USP37: variants seen among roughly 807,000 people sequenced by gnomAD.
USP37 encodes ubiquitin carboxyl-terminal hydrolase 37.
A neutral mutation model predicts 124.0 loss-of-function variants in USP37; 27 were observed. The ratio of observed to expected loss-of-function variants is 0.22; its 90% CI spans 0.16 to 0.30. The LOEUF is 0.30. Among genes scored for constraint, USP37 ranks in the 10% least tolerant of loss-of-function variants. USP37 has a pLI of 1.00. For missense variants in USP37, 889 were observed against 1,140.4 expected, an observed-to-expected ratio of 0.78 and a Z score of 3.17; for synonymous variants, 365 against 388.0, an observed-to-expected ratio of 0.94 and a Z score of 0.70.
Position 218,547,023 on chromosome 2 carries a change from C to T in USP37, c.498G>A (p.Pro166=), listed in dbSNP as rs1324580637. 1.1e-5 allele frequency: 17 copies of T among 1,612,480 alleles called. 1 individual carries two copies. In the Admixed American group the frequency reaches 1.5e-4, roughly 14 times the overall value. ...DIPFRKVLGN[P]GRGSIKTVAG... ...CTACAGTCTTAATCGATCCTCTACC[C>T]GGATTACCAAGAACTTTTCGAAATG... The change falls in exon 7 of 26, where the codon CCG becomes CCA. Residue 166 remains proline, a synonymous_variant. Coordinates refer to ENST00000258399, the MANE Select transcript of USP37 (RefSeq NM_020935.3).
chr2:218,456,441 AGAGT>A (rs1173113386), intron 24 of USP37, among the ~76,000 whole-genome samples: 1 of 151,554 alleles, frequency 6.6e-6, no homozygotes, highest in Non-Finnish European at 1.5e-5. Flanking sequence ...GCCTGGTGAC[AGAGT>A]GAGACCCTGT....
At position 218,502,948 on chromosome 2, in the gene USP37, G is replaced by A. The variant is rs560229727; in HGVS notation, c.1026-4791C>T. On this transcript the variant is annotated intron_variant, in intron 11 of 25. Transcript: ENST00000258399. Reference sequence around the variant, plus strand: ...TTAAGACTAAAACAAGATTAAGACCGTAGGCTTCTAGTCAGAAATTATACA... The same window carrying A: ...TTAAGACTAAAACAAGATTAAGACCATAGGCTTCTAGTCAGAAATTATACA... Among the ~76,000 whole-genome samples the A allele has an allele frequency of 1.6e-4, 24 of 152,268 alleles. No homozygotes were observed. The South Asian group carries it at 1.9e-3, about 12-fold the overall frequency.
At chr2:218,504,900 T>C (rs1390013960) in intron 11 of USP37, among the ~76,000 whole-genome samples, 1 of 152,178 alleles carries the variant, frequency 6.6e-6, no homozygotes, top group Non-Finnish European at 1.5e-5. Flanking sequence ...TCATTTTAAA[T>C]GGTATCCTTT....
At chr2:218,481,188 C>A (rs1459790044) in intron 17 of USP37, among the ~76,000 whole-genome samples, 2 of 152,168 alleles carry the variant, frequency 1.3e-5, no homozygotes, top group Non-Finnish European at 2.9e-5. Flanking sequence ...GTTTTCCCAG[C>A]ATACATGATG....
chr2:218,464,436 C>T (rs1019097924), intron 21 of USP37, among the ~76,000 whole-genome samples: 2 of 152,040 alleles, frequency 1.3e-5, no homozygotes, highest in African/African-American at 2.4e-5. Context: ...CAGAGTGTCA[C>T]CATTTTGGCC....
intron 11 of USP37, chr2:218,500,798 T>G (rs1689334738): frequency 6.6e-6 from 1 of 152,630 alleles, no homozygotes; most frequent in Admixed American, 6.6e-5. Flanking sequence ...TTTTTTTTTT[T>G]TTGAGAGCTT....
intron 13 of USP37, among the ~76,000 whole-genome samples, chr2:218,496,378 ACC>A (rs753854491): frequency 1.3e-5 from 2 of 152,100 alleles, no homozygotes; most frequent in African/African-American, 4.8e-5. Flanking sequence ...TACAGTGAAA[ACC>A]CTTGAAAGTC....
chr2:218,459,729 T>C (rs1414637423), intron 23 of USP37, 61 bp downstream of exon 23: 16 of 1,449,926 alleles, frequency 1.1e-5, no homozygotes, highest in Non-Finnish European at 1.2e-5. Flanking sequence ...GCCTTTGAAG[T>C]AAAGAGTGGG....
At chr2:218,523,353 A>G (rs894167122) in intron 10 of USP37, among the ~76,000 whole-genome samples, 12 of 152,338 alleles carry the variant, frequency 7.9e-5, no homozygotes, top group Middle Eastern at 6.8e-3. Flanking sequence ...AAACACTCCA[A>G]TGAACATTTC....
Position 218,501,781 on chromosome 2 carries a change from C to T in USP37, c.1026-3624G>A, listed in dbSNP as rs1689404070. Among the ~76,000 whole-genome samples, 3 of 152,266 alleles carry T rather than the reference C, an allele frequency of 2.0e-5. No homozygotes were observed. In the South Asian group the frequency reaches 6.2e-4, roughly 32 times the overall value. On this transcript the variant is annotated intron_variant, in intron 11 of 25. Transcript: ENST00000258399. ...AAGGAACTGAACAAAGGAAAAGCTC[C>T]AGAAATCTGCATAGCAGTCTGCTTG...
intron 14 of USP37, among the ~76,000 whole-genome samples, chr2:218,488,641 T>A (rs1470241990): frequency 6.6e-6 from 1 of 152,190 alleles, no homozygotes; most frequent in Non-Finnish European, 1.5e-5. Context: ...TTTACTTAAA[T>A]CTTTTTTTTG....
chr2:218,490,936 C>T (rs929466045), intron 14 of USP37, among the ~76,000 whole-genome samples: 5 of 152,144 alleles, frequency 3.3e-5, no homozygotes, highest in African/African-American at 4.8e-5. Context: ...AGCAGTGGCC[C>T]GACCACGGCT....
At chr2:218,532,514 G>GCC (rs1691391463) in intron 9 of USP37, among the ~76,000 whole-genome samples, 1 of 150,136 alleles carries the variant, frequency 6.7e-6, no homozygotes, top group South Asian at 2.1e-4. Context: ...AGCTGCCTTA[G>GCC]CCTTCAGCAA....
intron 20 of USP37, among the ~76,000 whole-genome samples, chr2:218,473,761 C>CA (rs1441205145): frequency 6.6e-6 from 1 of 151,916 alleles, no homozygotes; most frequent in African/African-American, 2.4e-5. Context: ...TAAAAATTAC[C>CA]AAAAAAATAG....
chr2:218,536,935 A>T (rs1323488815), intron 8 of USP37, among the ~76,000 whole-genome samples: 1 of 152,224 alleles, frequency 6.6e-6, no homozygotes, highest in Non-Finnish European at 1.5e-5. Flanking sequence ...AATAAGGTAG[A>T]GAAGGATAGG....
At chr2:218,475,925 C>CAAA (rs5838701) in intron 19 of USP37, among the ~76,000 whole-genome samples, 1 of 142,436 alleles carries the variant, frequency 7.0e-6, no homozygotes, top group Non-Finnish European at 1.5e-5. Flanking sequence ...GACTCCGTCT[C>CAAA]AAAAAAAAAA....
At chr2:218,458,273 A>C (rs1264815315) in intron 23 of USP37, among the ~76,000 whole-genome samples, 2 of 149,970 alleles carry the variant, frequency 1.3e-5, no homozygotes, top group South Asian at 2.1e-4. Context: ...AAAAAAAAAA[A>C]AAACAACTCT....
intron 23 of USP37, 38 bp downstream of exon 23, chr2:218,459,752 G>A (rs775433881): frequency 3.2e-6 from 5 of 1,567,196 alleles, no homozygotes; most frequent in South Asian, 2.3e-5. Context: ...GAGTGACACT[G>A]AATTTGACCA....
chr2:218,524,272 C>T (rs915493053), intron 10 of USP37, among the ~76,000 whole-genome samples: 13 of 152,052 alleles, frequency 8.5e-5, no homozygotes, highest in African/African-American at 3.1e-4. Flanking sequence ...TGTAGCCTTT[C>T]CTGTTTTGTA....
Sources: allele counts gnomAD v4.1 joint callset (sites outside exome capture counted in the v4.1 genomes callset), GRCh38; gene constraint gnomAD v4.1.1; transcripts MANE v1.5; gene names NCBI Gene and HGNC (gene_info 2026-07-23, HGNC 2026-07-21).